DPYD: variants seen among roughly 807,000 people sequenced by gnomAD.
DPYD encodes dihydropyrimidine dehydrogenase.
In DPYD, 109 loss-of-function variants were observed where a neutral mutation model predicts 116.2. The ratio of observed to expected loss-of-function variants is 0.94; its 90% CI spans 0.80 to 1.10. The LOEUF is 1.10. DPYD is among the 50% of genes least tolerant of loss of function. DPYD has a pLI of 0.00. For synonymous variants in DPYD, 440 were observed against 432.0 expected (o/e 1.02, Z -0.23); for missense variants, 1,302 against 1,254.5 (o/e 1.04, Z -0.57).
chr1:97,829,948 T>C (rs1459329946), intron 2 of DPYD, among the ~76,000 whole-genome samples: 1 of 151,832 alleles, frequency 6.6e-6, no homozygotes, highest in Non-Finnish European at 1.5e-5. Context: ...CCACCCTGTG[T>C]CCATGTGTTC....
At chr1:97,111,576 A>G (rs1336492445) in intron 20 of DPYD, among the ~76,000 whole-genome samples, 2 of 151,940 alleles carry the variant, frequency 1.3e-5, no homozygotes, top group Admixed American at 1.3e-4. Flanking sequence ...CTCCTCAGAG[A>G]GGCACTCTCG....
chr1:97,119,011 A>G (rs1046617152), intron 20 of DPYD, among the ~76,000 whole-genome samples: 2 of 152,064 alleles, frequency 1.3e-5, no homozygotes, highest in Non-Finnish European at 2.9e-5. Context: ...ATTTTTTTTC[A>G]CAGACTTTGG....
At chr1:97,322,433 A>G (rs1165936922) in intron 16 of DPYD, among the ~76,000 whole-genome samples, 1 of 151,966 alleles carries the variant, frequency 6.6e-6, no homozygotes, top group African/African-American at 2.4e-5. Context: ...AAAGGAAATA[A>G]TAATACTAAG....
At chr1:97,846,335 T>TTTAACCAGTTTTTAG (rs552820235) in intron 2 of DPYD, among the ~76,000 whole-genome samples, 83 of 152,332 alleles carry the variant, frequency 5.4e-4, no homozygotes, top group African/African-American at 1.9e-3. Flanking sequence ...ACTGGGAATC[T>TTTAACCAGTTTTTAG]AATAAATAAA....
intron 14 of DPYD, among the ~76,000 whole-genome samples, chr1:97,420,812 G>A (rs1177488234): frequency 6.6e-6 from 1 of 152,142 alleles, no homozygotes; most frequent in African/African-American, 2.4e-5. Flanking sequence ...TGAACTTCTA[G>A]TCATTCTTCA....
At chr1:97,203,375 T>A (rs1357690791) in intron 19 of DPYD, among the ~76,000 whole-genome samples, 1 of 151,456 alleles carries the variant, frequency 6.6e-6, no homozygotes, top group Non-Finnish European at 1.5e-5. Flanking sequence ...ATTTATCATA[T>A]CATTCACTAA....
At chr1:97,282,748 G>A (rs56300389) in intron 18 of DPYD, among the ~76,000 whole-genome samples, 35,453 of 151,920 alleles carry the variant, frequency 0.23, 4,327 homozygotes, top group Middle Eastern at 0.28. Flanking sequence ...AGGCCCCAGT[G>A]TCTATTGCTC....
chr1:97,292,461 C>G (rs1365045846), intron 18 of DPYD, among the ~76,000 whole-genome samples: 1 of 152,144 alleles, frequency 6.6e-6, no homozygotes, highest in East Asian at 1.9e-4. Context: ...TGAGAACTCA[C>G]TCACTATCAT....
intron 8 of DPYD, among the ~76,000 whole-genome samples, chr1:97,665,952 TAAAGTGA>T (rs1483845084): frequency 6.6e-6 from 1 of 152,126 alleles, no homozygotes; most frequent in Admixed American, 6.5e-5. Context: ...GGCAGAACAA[TAAAGTGA>T]AAAGGAAAAG....
chr1:97,212,969 C>A (rs565747587), intron 19 of DPYD, among the ~76,000 whole-genome samples: 29 of 152,234 alleles, frequency 1.9e-4, no homozygotes, highest in African/African-American at 5.8e-4. Flanking sequence ...ACATTCATTT[C>A]TCACAGTTTT....
chr1:97,165,316 C>A (rs1280551681), intron 20 of DPYD, among the ~76,000 whole-genome samples: 2 of 152,120 alleles, frequency 1.3e-5, no homozygotes, highest in Non-Finnish European at 2.9e-5. Context: ...CTGACAAAAA[C>A]AAGCAATGGG....
At chr1:97,120,458 A>G (rs1261615256) in intron 20 of DPYD, among the ~76,000 whole-genome samples, 8 of 152,086 alleles carry the variant, frequency 5.3e-5, no homozygotes, top group African/African-American at 9.7e-5. Flanking sequence ...CCAGTCTCTT[A>G]GCGGACGACA....
chr1:97,350,675 G>A (rs569391861), intron 16 of DPYD, among the ~76,000 whole-genome samples: 2 of 152,252 alleles, frequency 1.3e-5, no homozygotes, highest in South Asian at 2.1e-4. Context: ...AATGCTGTGA[G>A]TCACAAAATC....
intron 2 of DPYD, among the ~76,000 whole-genome samples, chr1:97,879,362 T>C (rs1365378347): frequency 6.6e-6 from 1 of 151,970 alleles, no homozygotes; most frequent in Non-Finnish European, 1.5e-5. Flanking sequence ...AATTGGCTAA[T>C]TGGCTGTCTT....
intron 20 of DPYD, among the ~76,000 whole-genome samples, chr1:97,176,027 C>T (rs1657229913): frequency 6.6e-6 from 1 of 152,162 alleles, no homozygotes; most frequent in African/African-American, 2.4e-5. Context: ...TCTCGGCAAT[C>T]CTGTGACATA....
chr1:97,129,317 T>G (rs1023260023), intron 20 of DPYD, among the ~76,000 whole-genome samples: 1 of 152,014 alleles, frequency 6.6e-6, no homozygotes, highest in Non-Finnish European at 1.5e-5. Flanking sequence ...CCTCCTGCCT[T>G]GGCCTCCCAA....
At chr1:97,261,270 C>T (rs1341596568) in intron 18 of DPYD, among the ~76,000 whole-genome samples, 1 of 151,944 alleles carries the variant, frequency 6.6e-6, no homozygotes, top group Non-Finnish European at 1.5e-5. Context: ...CTAATGGATG[C>T]CTCTATGCGC....
chr1:97,546,702 A>G (rs911696584), intron 12 of DPYD: 1 of 1,613,142 alleles, frequency 6.2e-7, no homozygotes, highest in South Asian at 1.1e-5. Flanking sequence ...GTACACTAAA[A>G]GATACAGAGG....
intron 2 of DPYD, among the ~76,000 whole-genome samples, chr1:97,837,492 T>G (rs1190811375): frequency 6.6e-6 from 1 of 152,172 alleles, no homozygotes; most frequent in Non-Finnish European, 1.5e-5. Context: ...GTCCTTGGAC[T>G]CCATCTCTGA....
Sources: gnomAD v4.1 joint callset for allele counts (sites outside exome capture counted in the v4.1 genomes callset) on GRCh38, gnomAD v4.1.1 for gene constraint, MANE v1.5 for transcripts, NCBI Gene and HGNC (gene_info 2026-07-23, HGNC 2026-07-21) for gene names.